CBR4: variants seen among roughly 807,000 people sequenced by gnomAD.
CBR4 encodes 3-oxoacyl-[acyl-carrier-protein] reductase.
Under a neutral mutation model 21.0 loss-of-function variants are expected in CBR4, and 22 were observed. That is an observed-to-expected ratio of 1.05 (90% CI 0.75 to 1.50). CBR4 has a LOEUF of 1.50. Among genes scored for constraint, CBR4 ranks in the 40% most tolerant of loss-of-function variants. The pLI is 0.00. For missense variants in CBR4, 302 were observed against 286.3 expected (o/e 1.05, Z -0.40); for synonymous variants, 100 against 104.4 (o/e 0.96, Z 0.26).
At chr4:169,002,015 G>A (rs1730488789) in intron 4 of CBR4, 56 bp downstream of exon 4, 4 of 1,336,774 alleles carry the variant, frequency 3.0e-6, no homozygotes, top group Non-Finnish European at 2.0e-6. Flanking sequence ...CCAAATAATG[G>A]CTTCCCTATA....
At chr4:168,903,469 A>G (rs1271748499) in intron 2 of CBR4, among the ~76,000 whole-genome samples, 2 of 152,244 alleles carry the variant, frequency 1.3e-5, no homozygotes, top group Non-Finnish European at 2.9e-5. Context: ...TCATAGAAAT[A>G]ATCATTGCCA....
At chr4:168,945,401 G>A (rs1040523168) in intron 2 of CBR4, among the ~76,000 whole-genome samples, 5 of 152,166 alleles carry the variant, frequency 3.3e-5, no homozygotes, top group African/African-American at 1.2e-4. Context: ...AAAGACAGTG[G>A]TATTTGCACA....
chr4:168,945,622 G>C (rs546853985), intron 2 of CBR4, among the ~76,000 whole-genome samples: 101 of 152,010 alleles, frequency 6.6e-4, no homozygotes, highest in Non-Finnish European at 1.3e-3. Context: ...GTGAGAATGA[G>C]GATTATCTGA....
At chr4:168,973,650 T>C (rs1038960759) in intron 2 of CBR4, among the ~76,000 whole-genome samples, 3 of 152,216 alleles carry the variant, frequency 2.0e-5, no homozygotes, top group African/African-American at 4.8e-5. Flanking sequence ...TGAATGTTGA[T>C]AGAATTCAGT....
chr4:168,898,474 T>G (rs1335817463), intron 2 of CBR4: 1 of 1,560,292 alleles, frequency 6.4e-7, no homozygotes, highest in Non-Finnish European at 8.8e-7. Flanking sequence ...TCTGCTAACT[T>G]AAACTTTCCT....
At chr4:168,915,830 G>A in intron 2 of CBR4, 1 of 1,262,452 alleles carries the variant, frequency 7.9e-7, no homozygotes, top group Non-Finnish European at 1.2e-6. Flanking sequence ...GAAAACAGAT[G>A]ACTAAAAGTC....
intron 2 of CBR4, among the ~76,000 whole-genome samples, chr4:168,939,802 T>C (rs925049644): frequency 3.3e-5 from 5 of 152,162 alleles, no homozygotes; most frequent in African/African-American, 1.2e-4. Context: ...CACAAACAGA[T>C]GGAAAAACAT....
chr4:168,902,707 G>A (rs140641100), intron 2 of CBR4, among the ~76,000 whole-genome samples: 2 of 152,222 alleles, frequency 1.3e-5, no homozygotes, highest in Admixed American at 6.5e-5. Flanking sequence ...TTGTTTAAAA[G>A]TGAGGGAAGG....
chr4:168,975,940 C>T (rs1426506541), intron 2 of CBR4, among the ~76,000 whole-genome samples: 1 of 152,160 alleles, frequency 6.6e-6, no homozygotes, highest in Admixed American at 6.5e-5. Flanking sequence ...TCCCACCATG[C>T]CTCCCTAACC....
intron 2 of CBR4, among the ~76,000 whole-genome samples, chr4:168,953,657 CA>C (rs1266335881): frequency 6.6e-6 from 1 of 151,578 alleles, no homozygotes; most frequent in Non-Finnish European, 1.5e-5. Context: ...CTCCTGGGTT[CA>C]AGTGATCCTC....
chr4:168,962,526 T>G (rs1388938274), intron 2 of CBR4, among the ~76,000 whole-genome samples: 1 of 152,100 alleles, frequency 6.6e-6, no homozygotes, highest in Non-Finnish European at 1.5e-5. Flanking sequence ...ACTAAATAAT[T>G]GAGAGTGAAT....
intron 2 of CBR4, among the ~76,000 whole-genome samples, chr4:168,972,174 A>G (rs1460266338): frequency 6.6e-6 from 1 of 152,058 alleles, no homozygotes; most frequent in African/African-American, 2.4e-5. Flanking sequence ...ATGCTATTTG[A>G]TAAGTATAGC....
chr4:168,956,293 C>G (rs898652034), intron 2 of CBR4, among the ~76,000 whole-genome samples: 5 of 152,182 alleles, frequency 3.3e-5, no homozygotes, highest in African/African-American at 1.2e-4. Context: ...ATACAATACA[C>G]CAGCATTCCT....
intron 2 of CBR4, among the ~76,000 whole-genome samples, chr4:168,952,965 G>C (rs1241846363): frequency 4.6e-5 from 7 of 152,196 alleles, no homozygotes; most frequent in Non-Finnish European, 8.8e-5. Flanking sequence ...CAGTGGGCAG[G>C]GCCCTAGAAC....
At chr4:168,923,487 A>G (rs1283998441) in intron 2 of CBR4, among the ~76,000 whole-genome samples, 1 of 152,220 alleles carries the variant, frequency 6.6e-6, no homozygotes, top group African/African-American at 2.4e-5. Flanking sequence ...TTCCACCACT[A>G]CTACAACTGA....
At chr4:168,909,613 T>G (rs1379730522) in intron 2 of CBR4, among the ~76,000 whole-genome samples, 1 of 152,180 alleles carries the variant, frequency 6.6e-6, no homozygotes, top group Non-Finnish European at 1.5e-5. Context: ...AACATTCCCT[T>G]CCATTATTCT....
intron 1 of CBR4, 29 bp downstream of exon 1, chr4:169,009,919 C>T (rs747084122): frequency 6.3e-7 from 1 of 1,598,296 alleles, no homozygotes; most frequent in South Asian, 1.1e-5. Flanking sequence ...CGCGGCCATA[C>T]AACTGGACAA....
rs575517537 is a variant in CBR4, at chr4:168,928,181, TAC to T, written n.170-33418_170-33417del. 200 of 187,842 alleles carry T rather than the reference TAC, an allele frequency of 1.1e-3. 1 individual carries two copies. The highest frequency in any genetic ancestry group is 4.4e-3 in the African/African-American group (190 of 42,886). 11.6% of individuals were successfully genotyped at this position (187,842 alleles called of 1,614,324 possible). ...TGCTAATATGGAATTTAAGATACCA[TAC>T]ACAGTCTCTCATGGACCTATCTCTA... On this transcript the variant is annotated intron_variant and non_coding_transcript_variant, in intron 2 of 3. Transcript: ENST00000509108.
Position 168,903,802 on chromosome 4 carries a change from C to G in CBR4, n.170-9037G>C. On this transcript the variant is annotated intron_variant and non_coding_transcript_variant, in intron 2 of 3. Transcript: ENST00000509108. ...GAAGCAGATCTCTCCAAAGAGTGAT[C>G]ACTACACCATTCAAAGAGATCTCGA... 2 of 1,611,506 alleles carry G rather than the reference C, an allele frequency of 1.2e-6. No individual in the cohort carries two copies. The highest frequency in any genetic ancestry group is 1.7e-4 in the Middle Eastern group (1 of 6,040).
Sources: allele counts gnomAD v4.1 joint callset (sites outside exome capture counted in the v4.1 genomes callset), GRCh38; gene constraint gnomAD v4.1.1; transcripts MANE v1.5; gene names NCBI Gene and HGNC (gene_info 2026-07-23, HGNC 2026-07-21).